Variants in PPM1L observed in about 807,000 individuals in gnomAD.
PPM1L encodes protein phosphatase, Mg2+/Mn2+ dependent 1L.
Under a neutral mutation model 31.4 loss-of-function variants are expected in PPM1L, and 13 were observed. That is an observed-to-expected ratio of 0.41 (90% confidence interval 0.27 to 0.66). The LOEUF (loss-of-function observed/expected upper bound fraction) is 0.66. PPM1L is among the 30% of genes least tolerant of loss of function. The pLI is 0.29. For missense variants in PPM1L, 326 were observed against 453.7 expected (o/e 0.72, Z 2.56); for synonymous variants, 184 against 175.4 (o/e 1.05, Z -0.39).
intron 1 of PPM1L, among the ~76,000 whole-genome samples, chr3:160,851,569 A>T (rs1711527989): frequency 6.6e-6 from 1 of 152,240 alleles, no homozygotes; most frequent in African/African-American, 2.4e-5. Context: ...CATCTTTGAG[A>T]AGGAAGAATA....
At chr3:161,062,875 G>A (rs1169245097) in intron 2 of PPM1L, among the ~76,000 whole-genome samples, 2 of 152,080 alleles carry the variant, frequency 1.3e-5, no homozygotes, top group Admixed American at 6.6e-5. Flanking sequence ...AAATGGAAAC[G>A]CCTACTAGGC....
chr3:161,005,011 A>T (rs1717655689), intron 2 of PPM1L, among the ~76,000 whole-genome samples: 1 of 152,066 alleles, frequency 6.6e-6, no homozygotes, highest in African/African-American at 2.4e-5. Flanking sequence ...CACTGCTTTG[A>T]ATGCGTCCCA....
chr3:160,775,900 T>TG, intron 1 of PPM1L, among the ~76,000 whole-genome samples: 1 of 152,294 alleles, frequency 6.6e-6, no homozygotes, highest in African/African-American at 2.4e-5. Context: ...ATCAGCTGCC[T>TG]GGGGGGCAGA....
Position 160,957,764 on chromosome 3 carries a change from G to A in PPM1L, c.400-3972G>A, listed in dbSNP as rs1157846013. Among the ~76,000 whole-genome samples, 3 of 151,926 alleles carry A rather than the reference G, an allele frequency of 2.0e-5. No individual in the cohort carries two copies. In the East Asian group the frequency reaches 5.8e-4, roughly 29 times the overall value. On this transcript the variant is annotated intron_variant, in intron 1 of 3. Coordinates refer to ENST00000498165, the MANE Select transcript of PPM1L (RefSeq NM_139245.4). ...GCTAATTTTTTGTATTTTTAGTAGAGACGGGGTTTCACCATGTTAGCCAGG... is the reference window on the plus strand; with the variant it reads ...GCTAATTTTTTGTATTTTTAGTAGAAACGGGGTTTCACCATGTTAGCCAGG...
Position 161,073,774 on chromosome 3 carries a change from G to A in PPM1L, c.*4617G>A, listed in dbSNP as rs1281064712. On this transcript the variant is annotated 3_prime_UTR_variant, in exon 4 of 4. Transcript: ENST00000498165. ...GACGGGGTTTCACCATGTTAGCCAGGATGGTCTTGATATCCTGACCTTGTA... is the reference window on the plus strand; with the variant it reads ...GACGGGGTTTCACCATGTTAGCCAGAATGGTCTTGATATCCTGACCTTGTA... The A allele has an allele frequency of 1.3e-5, 2 of 152,246 alleles. No individual in the cohort carries two copies. The highest frequency in any genetic ancestry group is 2.9e-5 in the Non-Finnish European group (2 of 68,126). 9.4% of individuals were successfully genotyped at this position (152,246 alleles called of 1,614,324 possible).
At chr3:160,983,697 T>C (rs142613269) in intron 2 of PPM1L, among the ~76,000 whole-genome samples, 182 of 152,324 alleles carry the variant, frequency 1.2e-3, no homozygotes, top group Non-Finnish European at 1.9e-3. Flanking sequence ...TGGCTCTTTA[T>C]TGGGGGAACC....
intron 2 of PPM1L, among the ~76,000 whole-genome samples, chr3:160,988,067 A>G (rs1162283154): frequency 6.6e-6 from 1 of 152,182 alleles, no homozygotes; most frequent in East Asian, 1.9e-4. Flanking sequence ...GACACTGTCA[A>G]GAGTGGCAGT....
At chr3:160,835,085 C>CTTCTTCTT (rs1186051564) in intron 1 of PPM1L, among the ~76,000 whole-genome samples, 1 of 117,846 alleles carries the variant, frequency 8.5e-6, no homozygotes, top group African/African-American at 3.7e-5. Flanking sequence ...TCTTCTTCTT[C>CTTCTTCTT]TTTCTTTTTT....
intron 1 of PPM1L, among the ~76,000 whole-genome samples, chr3:160,824,427 T>G (rs1713297934): frequency 6.6e-6 from 1 of 152,166 alleles, no homozygotes; most frequent in Non-Finnish European, 1.5e-5. Flanking sequence ...ACCATAAGGG[T>G]GATGGTATTT....
At chr3:160,893,571 A>G (rs971258254) in intron 1 of PPM1L, among the ~76,000 whole-genome samples, 1 of 152,230 alleles carries the variant, frequency 6.6e-6, no homozygotes, top group African/African-American at 2.4e-5. Context: ...GAAATAGACC[A>G]AGATTATCCT....
intron 1 of PPM1L, among the ~76,000 whole-genome samples, chr3:160,792,071 T>A (rs909354601): frequency 6.6e-6 from 1 of 152,104 alleles, no homozygotes; most frequent in South Asian, 2.1e-4. Context: ...AATGTCAGCA[T>A]GCACCCAGGT....
chr3:161,031,485 C>T (rs1718561860), intron 2 of PPM1L, among the ~76,000 whole-genome samples: 1 of 141,676 alleles, frequency 7.1e-6, no homozygotes, highest in Admixed American at 7.2e-5. Flanking sequence ...TTGTGAATGG[C>T]AGCTATGTAT....
At chr3:160,820,926 G>T (rs1335914920) in intron 1 of PPM1L, among the ~76,000 whole-genome samples, 6 of 151,974 alleles carry the variant, frequency 3.9e-5, no homozygotes, top group Non-Finnish European at 8.8e-5. Context: ...GAATTTCTGA[G>T]TAATAAGATA....
At chr3:160,865,355 T>C (rs1264839881) in intron 1 of PPM1L, among the ~76,000 whole-genome samples, 1 of 152,240 alleles carries the variant, frequency 6.6e-6, no homozygotes, top group Non-Finnish European at 1.5e-5. Flanking sequence ...GTCCCAGGAA[T>C]TGTATTTTAT....
intron 1 of PPM1L, among the ~76,000 whole-genome samples, chr3:160,880,070 G>A (rs1712654255): frequency 6.6e-6 from 1 of 152,132 alleles, no homozygotes; most frequent in Non-Finnish European, 1.5e-5. Flanking sequence ...CACTTCTGAT[G>A]TCATAAGCAG....
Position 160,903,146 on chromosome 3 carries a change from C to T in PPM1L, c.400-58590C>T, listed in dbSNP as rs939549939. Among the ~76,000 whole-genome samples, 8 of 121,984 alleles carry T rather than the reference C, an allele frequency of 6.6e-5. No homozygotes were observed. In the South Asian group the frequency reaches 1.6e-3, roughly 24 times the overall value. The allele number at this position is 121,984 out of a possible 152,430, so 80.0% of individuals were successfully genotyped here. The stretch of plus-strand genomic sequence containing the variant: ...AGTAGCTGTGTCAGTCAGGGTTGTC[C>T]AAAGAAATAGAAGCAATAGTGTGTG... On this transcript the variant is annotated intron_variant, in intron 1 of 3. Transcript: ENST00000498165.
At chr3:161,049,030 G>C (rs1391037308) in intron 2 of PPM1L, among the ~76,000 whole-genome samples, 2 of 150,482 alleles carry the variant, frequency 1.3e-5, no homozygotes, top group African/African-American at 4.9e-5. Flanking sequence ...ATATACATAT[G>C]TAACACACCT....
intron 2 of PPM1L, among the ~76,000 whole-genome samples, chr3:161,062,443 A>G (rs1457219556): frequency 6.6e-6 from 1 of 152,154 alleles, no homozygotes; most frequent in African/African-American, 2.4e-5. Flanking sequence ...TCTACAAAAT[A>G]AAAAATAAGA....
chr3:160,930,136 T>C (rs547029850), intron 1 of PPM1L, among the ~76,000 whole-genome samples: 7 of 152,308 alleles, frequency 4.6e-5, no homozygotes, highest in Admixed American at 2.6e-4. Flanking sequence ...TTAGGGCTTT[T>C]TAGAACCACA....
Sources: allele counts gnomAD v4.1 joint callset (sites outside exome capture counted in the v4.1 genomes callset), GRCh38; gene constraint gnomAD v4.1.1; transcripts MANE v1.5; gene names NCBI Gene and HGNC (gene_info 2026-07-23, HGNC 2026-07-21).